Variants in TNR observed in about 807,000 individuals in gnomAD.
TNR encodes the protein tenascin R, also known as tenascin-R.
Under a neutral mutation model 150.4 loss-of-function variants are expected in TNR, and 45 were observed. The observed-to-expected ratio is 0.30, with a 90% CI of 0.24 to 0.38. TNR has a LOEUF of 0.38. Ranked by LOEUF, TNR falls within the 10% of genes least tolerant of loss-of-function variation. The pLI is 1.00. For missense variants in TNR, 1,544 were observed against 1,759.1 expected, an observed-to-expected ratio of 0.88 and a Z score of 2.19; for synonymous variants, 687 against 678.4, an observed-to-expected ratio of 1.01 and a Z score of -0.20.
At chr1:175,675,109 A>C (rs1382455671) in intron 1 of TNR, among the ~76,000 whole-genome samples, 1 of 152,208 alleles carries the variant, frequency 6.6e-6, no homozygotes, top group African/African-American at 2.4e-5. Context: ...TTAAGTTTGC[A>C]AGACAGGAGC....
intron 2 of TNR, among the ~76,000 whole-genome samples, chr1:175,473,918 T>A (rs1657410611): frequency 6.6e-6 from 1 of 152,168 alleles, no homozygotes; most frequent in Non-Finnish European, 1.5e-5. Context: ...CATGGCCGCC[T>A]GTATGCTTTT....
chr1:175,332,954 A>G (rs1323240881), intron 20 of TNR, among the ~76,000 whole-genome samples: 2 of 152,216 alleles, frequency 1.3e-5, no homozygotes, highest in Non-Finnish European at 2.9e-5. Context: ...ATTTAATCTC[A>G]GTCTTTTGTA....
chr1:175,326,045 A>T (rs1031808321), intron 21 of TNR, among the ~76,000 whole-genome samples: 1 of 152,198 alleles, frequency 6.6e-6, no homozygotes, highest in African/African-American at 2.4e-5. Context: ...TTTAGGCTAA[A>T]TATACAAGGA....
intron 1 of TNR, among the ~76,000 whole-genome samples, chr1:175,740,501 G>T (rs635415): frequency 3.3e-5 from 5 of 151,950 alleles, no homozygotes; most frequent in Non-Finnish European, 7.4e-5. Context: ...ATGGAGAATA[G>T]GGCAGAACAG....
chr1:175,487,218 C>T (rs939413325), intron 2 of TNR, among the ~76,000 whole-genome samples: 6 of 152,204 alleles, frequency 3.9e-5, no homozygotes, highest in Non-Finnish European at 8.8e-5. Flanking sequence ...ATGCAACCTA[C>T]AGCCCTCGAA....
At chr1:175,687,958 GAAGGAATGTAAACAATAC>G (rs893157886) in intron 1 of TNR, among the ~76,000 whole-genome samples, 4 of 152,104 alleles carry the variant, frequency 2.6e-5, no homozygotes, top group Non-Finnish European at 5.9e-5. Context: ...AAAGTGTTAA[GAAGGAATGTAAACAATAC>G]ATACTAATTG....
intron 1 of TNR, among the ~76,000 whole-genome samples, chr1:175,626,493 C>T (rs1664162132): frequency 6.6e-6 from 1 of 152,120 alleles, no homozygotes; most frequent in African/African-American, 2.4e-5. Context: ...CTTGGGTTGC[C>T]CTAACCTCAA....
At chr1:175,707,169 C>T (rs1354786493) in intron 1 of TNR, among the ~76,000 whole-genome samples, 1 of 152,122 alleles carries the variant, frequency 6.6e-6, no homozygotes, top group Non-Finnish European at 1.5e-5. Flanking sequence ...TGCCCTAGAG[C>T]ACTTTAAAAG....
In TNR at chr1:175,588,708, A is replaced by G. The variant is rs533109325; in HGVS notation, c.-164-60339T>C. Among the ~76,000 whole-genome samples the G allele has an allele frequency of 2.0e-5, 3 of 152,306 alleles. No individual in the cohort carries two copies. In the East Asian group the frequency reaches 5.8e-4, roughly 29 times the overall value. ...GCTCATAACCCTAGAATTCCATAGT[A>G]CAGGTTTTGAAAATCATACTGTTAT... is the stretch of plus-strand genomic sequence containing the variant. On this transcript the variant is annotated intron_variant, in intron 1 of 22. Coordinates refer to ENST00000367674, the MANE Select transcript of TNR (RefSeq NM_003285.3).
intron 1 of TNR, among the ~76,000 whole-genome samples, chr1:175,550,183 T>C (rs1660880654): frequency 6.6e-6 from 1 of 152,080 alleles, no homozygotes; most frequent in Non-Finnish European, 1.5e-5. Context: ...ACTATCTGAT[T>C]TGGGACTCAG....
chr1:175,692,770 C>T (rs146167025), intron 1 of TNR, among the ~76,000 whole-genome samples: 1 of 152,242 alleles, frequency 6.6e-6, no homozygotes, highest in Non-Finnish European at 1.5e-5. Flanking sequence ...AGTATAGGCC[C>T]TACCTTCCTT....
chr1:175,700,392 G>C (rs923750192), intron 1 of TNR, among the ~76,000 whole-genome samples: 1 of 152,204 alleles, frequency 6.6e-6, no homozygotes, highest in African/African-American at 2.4e-5. Context: ...AAGCTCAGAA[G>C]TGATGTCACT....
At chr1:175,474,447 G>A (rs76695374) in intron 2 of TNR, among the ~76,000 whole-genome samples, 5,511 of 152,172 alleles carry the variant, frequency 0.036, 115 homozygotes, top group East Asian at 0.091. Flanking sequence ...TAACCCTGCC[G>A]GCCCCTGATG....
intron 2 of TNR, among the ~76,000 whole-genome samples, chr1:175,439,895 G>T (rs1263927001): frequency 6.6e-6 from 1 of 152,136 alleles, no homozygotes; most frequent in Non-Finnish European, 1.5e-5. Flanking sequence ...GAGAGGATGT[G>T]GAGAAATAGG....
intron 6 of TNR, among the ~76,000 whole-genome samples, chr1:175,393,003 G>T (rs1653252377): frequency 6.6e-6 from 1 of 152,160 alleles, no homozygotes; most frequent in South Asian, 2.1e-4. Flanking sequence ...GCTAAAAAAT[G>T]TTCTTTGATG....
At chr1:175,634,323 G>A (rs1405370582) in intron 1 of TNR, among the ~76,000 whole-genome samples, 1 of 152,130 alleles carries the variant, frequency 6.6e-6, no homozygotes, top group African/African-American at 2.4e-5. Flanking sequence ...ATTTCATCCA[G>A]CCAGCTGCCA....
chr1:175,334,981 GAGA>G (rs1650157738), intron 20 of TNR, among the ~76,000 whole-genome samples: 2 of 152,184 alleles, frequency 1.3e-5, no homozygotes, highest in African/African-American at 4.8e-5. Flanking sequence ...AGGCACCCAG[GAGA>G]AGAAGATGAG....
chr1:175,617,477 G>A (rs563319040), intron 1 of TNR, among the ~76,000 whole-genome samples: 4 of 152,172 alleles, frequency 2.6e-5, no homozygotes, highest in Admixed American at 1.3e-4. Context: ...GTGACAATGC[G>A]ATCCCTCTGC....
intron 9 of TNR, among the ~76,000 whole-genome samples, chr1:175,374,137 G>A (rs1652257014): frequency 6.6e-6 from 1 of 152,230 alleles, no homozygotes; most frequent in South Asian, 2.1e-4. Flanking sequence ...CCATCAGGGA[G>A]TGCAGACATA....
Sources: allele counts gnomAD v4.1 joint callset (sites outside exome capture counted in the v4.1 genomes callset), GRCh38; gene constraint gnomAD v4.1.1; transcripts MANE v1.5; gene names NCBI Gene and HGNC (gene_info 2026-07-23, HGNC 2026-07-21).